The following CTDP1 variants were observed in gnomAD, a reference collection of about 807,000 sequenced individuals.
CTDP1 encodes CTD phosphatase 1, also known as RNA polymerase II subunit A C-terminal domain phosphatase.
A neutral mutation model predicts 91.8 loss-of-function variants in CTDP1; 47 were observed. The ratio of observed to expected loss-of-function variants is 0.51; its 90% CI spans 0.41 to 0.65. CTDP1 has a LOEUF of 0.65. Among genes scored for constraint, CTDP1 ranks in the 30% least tolerant of loss-of-function variants. CTDP1 has a pLI of 0.00. For synonymous variants in CTDP1, 656 were observed against 598.5 expected (o/e 1.10, Z -1.40); for missense variants, 1,272 against 1,373.7 (o/e 0.93, Z 1.17).
chr18:79,734,519 C>T (rs569633587), intron 11 of CTDP1, among the ~76,000 whole-genome samples: 70 of 152,350 alleles, frequency 4.6e-4, no homozygotes, highest in South Asian at 8.3e-4. Context: ...CACGGGGGCA[C>T]GTGCCGGGCT....
chr18:79,749,313 G>A (rs1228344174), intron 12 of CTDP1, among the ~76,000 whole-genome samples: 6 of 151,740 alleles, frequency 4.0e-5, no homozygotes, highest in South Asian at 2.1e-4. Flanking sequence ...CTTCACTTTC[G>A]GTCGGGGCCC....
chr18:79,679,742 A>C, upstream of CTDP1: 2 of 509,686 alleles, frequency 3.9e-6, no homozygotes, highest in Non-Finnish European at 3.6e-6. Context: ...CGGCGCTCGT[A>C]TTTACACGCG....
chr18:79,736,044 T>A, intron 11 of CTDP1: 1 of 393,310 alleles, frequency 2.5e-6, no homozygotes. Context: ...AATATTCTGA[T>A]TATTCACCAT....
chr18:79,711,015 C>T (rs969082188), intron 6 of CTDP1, among the ~76,000 whole-genome samples: 14 of 152,140 alleles, frequency 9.2e-5, no homozygotes, highest in Non-Finnish European at 2.1e-4. Context: ...GGCTCTGCCC[C>T]ATCCCAATAG....
At chr18:79,683,542 T>C (rs1030652434) in intron 1 of CTDP1, among the ~76,000 whole-genome samples, 3 of 152,260 alleles carry the variant, frequency 2.0e-5, no homozygotes, top group Admixed American at 1.3e-4. Context: ...ACCCCGTGGC[T>C]CTTGGTGAGA....
chr18:79,704,683 A>G, intron 4 of CTDP1, 84 bp from the exon 5 acceptor site: 3 of 1,555,892 alleles, frequency 1.9e-6, no homozygotes, highest in Non-Finnish European at 2.6e-6. Flanking sequence ...TGTTCTCAGG[A>G]TGCCTGTCTC....
chr18:79,715,498 A>G lies in CTDP1; in HGVS notation c.2038A>G (p.Arg680Gly), dbSNP rs1310446698. The change falls in exon 8 of 13, where the codon AGG becomes GGG. Residue 680 changes from arginine to glycine, a missense_variant. Arg to Gly is a moderately radical substitution (Grantham distance 125, BLOSUM62 -2). This residue lies in a region of CTDP1 where 881 missense variants were observed against 911.6 expected (regional missense o/e 0.97). Transcript: ENST00000613122. The stretch of plus-strand genomic sequence containing the variant: ...GGTGCTGAGCCCCGACGCCCCTGAC[A>G]GGGCCACGCACCTGATCGCCGCGCG... ...RLVLSPDAPD[R>G]ATHLIAARAG... The G allele has an allele frequency of 1.9e-6, 3 of 1,571,154 alleles. No homozygotes were observed. The highest frequency in any genetic ancestry group is 2.3e-5 in the East Asian group (1 of 42,726).
At chr18:79,729,170 A>G (rs1336986377) in intron 11 of CTDP1, 101 bp downstream of exon 11, 45 of 1,441,872 alleles carry the variant, frequency 3.1e-5, no homozygotes, top group East Asian at 2.9e-4. Context: ...CTGGAGGCCG[A>G]GCTAGAGTCC....
chr18:79,746,538 C>G (rs2086886464), intron 12 of CTDP1, among the ~76,000 whole-genome samples: 1 of 152,234 alleles, frequency 6.6e-6, no homozygotes, highest in African/African-American at 2.4e-5. Context: ...GCTACACAAA[C>G]TGCATCTCTT....
At chr18:79,708,570 G>C (rs529045053) in intron 5 of CTDP1, among the ~76,000 whole-genome samples, 131 of 152,384 alleles carry the variant, frequency 8.6e-4, no homozygotes, top group African/African-American at 3.0e-3. Flanking sequence ...CGTGGAGCCA[G>C]GCGTTCCAGT....
chr18:79,678,254 C>T (rs2122305056), upstream of CTDP1: 1 of 152,330 alleles, frequency 6.6e-6, no homozygotes, highest in East Asian at 1.9e-4. Context: ...GCCCTACTAC[C>T]CCTTGACCTG....
At chr18:79,687,941 C>G (rs2085539625) in intron 1 of CTDP1, among the ~76,000 whole-genome samples, 1 of 152,208 alleles carries the variant, frequency 6.6e-6, no homozygotes, top group Non-Finnish European at 1.5e-5. Flanking sequence ...TGTTGGATGA[C>G]TCGCTCTAGA....
At chr18:79,743,748 C>G (rs2086827885) in intron 12 of CTDP1, among the ~76,000 whole-genome samples, 1 of 152,174 alleles carries the variant, frequency 6.6e-6, no homozygotes, top group South Asian at 2.1e-4. Flanking sequence ...AAAATTGATT[C>G]TGATCAAGCG....
chr18:79,677,353 G>C (rs1007113715), upstream of CTDP1: 1 of 152,274 alleles, frequency 6.6e-6, no homozygotes. Context: ...AACCAGAATA[G>C]GCTCAGAGAG....
chr18:79,683,964 A>G (rs554843890), intron 1 of CTDP1, among the ~76,000 whole-genome samples: 1 of 152,360 alleles, frequency 6.6e-6, no homozygotes, highest in African/African-American at 2.4e-5. Flanking sequence ...ATCCTTTCAC[A>G]GGGCTTATAA....
chr18:79,749,605 GC>G (rs2086954627), intron 12 of CTDP1, among the ~76,000 whole-genome samples: 1 of 151,926 alleles, frequency 6.6e-6, no homozygotes, highest in Non-Finnish European at 1.5e-5. Context: ...AGTCATGACT[GC>G]CCCCTCCCCG....
At chr18:79,751,457 C>T (rs1160465893) in intron 12 of CTDP1, among the ~76,000 whole-genome samples, 1 of 152,164 alleles carries the variant, frequency 6.6e-6, no homozygotes, top group Non-Finnish European at 1.5e-5. Context: ...TGCGGTATTT[C>T]CTGGACCACG....
intron 12 of CTDP1, among the ~76,000 whole-genome samples, chr18:79,737,794 C>T (rs1246320218): frequency 6.6e-6 from 1 of 152,200 alleles, no homozygotes; most frequent in Non-Finnish European, 1.5e-5. Context: ...CTGCCAATAT[C>T]AACACGCCAG....
At chr18:79,679,733 G>A (rs191967009), upstream of CTDP1, 873 of 516,728 alleles carry the variant, frequency 1.7e-3, 12 homozygotes, top group African/African-American at 0.013. Context: ...GGCCCCGCGC[G>A]GCGCTCGTAT....
Sources: gnomAD v4.1 joint callset for allele counts (sites outside exome capture counted in the v4.1 genomes callset) on GRCh38, gnomAD v4.1.1 for gene constraint, gnomAD v4.1.1 regional missense constraint, MANE v1.5 for transcripts, NCBI Gene and HGNC (gene_info 2026-07-23, HGNC 2026-07-21) for gene names.